The following ZNG1A variants were observed in gnomAD, a reference collection of about 807,000 sequenced individuals.
ZNG1A encodes zinc-regulated GTPase metalloprotein activator 1A.
chr9:143,170 G>C, the ZNG1A span, among the ~76,000 whole-genome samples: 1 of 149,316 alleles, frequency 6.7e-6, no homozygotes, highest in East Asian at 2.0e-4. Context: ...TAGAAAAAGA[G>C]GGAATACTCC....
chr9:139,310 A>G, the ZNG1A span, among the ~76,000 whole-genome samples: 1 of 150,716 alleles, frequency 6.6e-6, no homozygotes, highest in Admixed American at 6.6e-5. Context: ...AGGTAATTAA[A>G]ATAGTCAACC....
At chr9:138,374 T>A in the ZNG1A span, among the ~76,000 whole-genome samples, 1 of 130,724 alleles carries the variant, frequency 7.6e-6, no homozygotes, top group African/African-American at 3.0e-5. Flanking sequence ...ATAATCTCAA[T>A]CAATTTCTTT....
At chr9:149,978 T>C in the ZNG1A span, among the ~76,000 whole-genome samples, 1 of 150,846 alleles carries the variant, frequency 6.6e-6, no homozygotes, top group Non-Finnish European at 1.5e-5. Context: ...CTACTCAAGG[T>C]GAGCCTTTTT....
At chr9:133,707 T>A in the ZNG1A span, among the ~76,000 whole-genome samples, 2 of 136,078 alleles carry the variant, frequency 1.5e-5, no homozygotes, top group Admixed American at 1.5e-4. Flanking sequence ...GAATTTTTTT[T>A]AAAAAGGCTC....
At chr9:154,705 G>A in the ZNG1A span, 28 of 1,591,770 alleles carry the variant, frequency 1.8e-5, no homozygotes, top group East Asian at 2.5e-4. Context: ...TTATCATTTC[G>A]TACCTAATTG....
chr9:155,410 G>T, the ZNG1A span, among the ~76,000 whole-genome samples: 1 of 151,564 alleles, frequency 6.6e-6, no homozygotes, highest in East Asian at 1.9e-4. Flanking sequence ...AACATAGCAA[G>T]ACTCCATTTC....
chr9:158,764 T>C, the ZNG1A span, among the ~76,000 whole-genome samples: 3 of 151,592 alleles, frequency 2.0e-5, no homozygotes, highest in Non-Finnish European at 2.9e-5. Context: ...TGTATTAAAA[T>C]TATATGTAAT....
At chr9:172,002 T>C in the ZNG1A span, 2 of 1,601,704 alleles carry the variant, frequency 1.2e-6, no homozygotes, top group South Asian at 2.2e-5. Context: ...TTAATCCTCA[T>C]TTTAGATATT....
the ZNG1A span, among the ~76,000 whole-genome samples, chr9:130,415 T>C: frequency 1.5e-5 from 2 of 131,626 alleles, no homozygotes; most frequent in African/African-American, 6.0e-5. Flanking sequence ...CCAAATGGCT[T>C]TATTGTTAAA....
At chr9:169,279 CAGTA>C in the ZNG1A span, among the ~76,000 whole-genome samples, 1 of 149,100 alleles carries the variant, frequency 6.7e-6, no homozygotes, top group East Asian at 2.0e-4. Context: ...GTGGTGGAAA[CAGTA>C]AGAGAACTAG....
the ZNG1A span, among the ~76,000 whole-genome samples, chr9:136,587 TG>T: frequency 1.8e-5 from 1 of 56,836 alleles, no homozygotes; most frequent in Admixed American, 2.2e-4. Context: ...GGGAAATGAT[TG>T]CATACTATAA....
the ZNG1A span, among the ~76,000 whole-genome samples, chr9:141,785 T>C: frequency 1.3e-5 from 2 of 152,140 alleles, no homozygotes; most frequent in African/African-American, 4.8e-5. Context: ...GTGTGCTGTA[T>C]TCAGGAAACC....
chr9:121,525 A>G, the ZNG1A span: 1 of 1,611,260 alleles, frequency 6.2e-7, no homozygotes, highest in Non-Finnish European at 8.5e-7. Flanking sequence ...TGTTTCTGTC[A>G]CAGTAGCTAT....
chr9:159,230 T>C, the ZNG1A span, among the ~76,000 whole-genome samples: 1 of 149,114 alleles, frequency 6.7e-6, no homozygotes, highest in Non-Finnish European at 1.5e-5. Context: ...TCCAACATAT[T>C]CAAAAGGCTA....
the ZNG1A span, among the ~76,000 whole-genome samples, chr9:139,021 AGACAT>A: frequency 2.0e-5 from 3 of 149,652 alleles, no homozygotes; most frequent in Admixed American, 1.3e-4. Flanking sequence ...AAATACCCAG[AGACAT>A]GTCCATTTTC....
chr9:175,267 A>G, the ZNG1A span, among the ~76,000 whole-genome samples: 9 of 151,898 alleles, frequency 5.9e-5, no homozygotes, highest in African/African-American at 2.2e-4. Flanking sequence ...AGTCCCAGCT[A>G]CTCAGGAGGC....
At chr9:170,588 GT>G in the ZNG1A span, among the ~76,000 whole-genome samples, 1 of 149,588 alleles carries the variant, frequency 6.7e-6, no homozygotes, top group Admixed American at 6.6e-5. Flanking sequence ...ATTTCACCAT[GT>G]TGGCTAGGCT....
chr9:121,504 C>A, the ZNG1A span: 262 of 1,611,270 alleles, frequency 1.6e-4, no homozygotes, highest in Non-Finnish European at 2.2e-4. Context: ...ACGTGTTGTC[C>A]ACTGCTTTTC....
At chr9:129,673 A>AC in the ZNG1A span, among the ~76,000 whole-genome samples, 1 of 138,542 alleles carries the variant, frequency 7.2e-6, no homozygotes, top group Non-Finnish European at 1.6e-5. Context: ...GGAGACGAAA[A>AC]TTGGGGGGGG....
Sources: gnomAD v4.1 joint callset for allele counts (sites outside exome capture counted in the v4.1 genomes callset) on GRCh38, gnomAD v4.1.1 for gene constraint, MANE v1.5 for transcripts, NCBI Gene and HGNC (gene_info 2026-07-23, HGNC 2026-07-21) for gene names.